Variants in ADAMTS20 observed in about 807,000 individuals in gnomAD.
ADAMTS20 encodes ADAM metallopeptidase with thrombospondin type 1 motif 20.
A neutral mutation model predicts 260.1 loss-of-function variants in ADAMTS20; 225 were observed. The ratio of observed to expected loss-of-function variants is 0.87; its 90% CI spans 0.78 to 0.97. The LOEUF (loss-of-function observed/expected upper bound fraction) is 0.97. ADAMTS20 is among the 50% of genes least tolerant of loss of function. The pLI is 0.00. For missense variants in ADAMTS20, 2,400 were observed against 2,337.7 expected, an observed-to-expected ratio of 1.03 and a Z score of -0.55; for synonymous variants, 802 against 769.5, an observed-to-expected ratio of 1.04 and a Z score of -0.70.
chr12:43,432,979 G>A (rs965028449), intron 19 of ADAMTS20, among the ~76,000 whole-genome samples, 168 bp from the exon 20 acceptor site: 1 of 152,150 alleles, frequency 6.6e-6, no homozygotes, highest in African/African-American at 2.4e-5. Context: ...CTGACCTCAT[G>A]CCAGCACTTG....
chr12:43,396,114 A>G (rs1940697403), intron 29 of ADAMTS20, among the ~76,000 whole-genome samples: 1 of 152,112 alleles, frequency 6.6e-6, no homozygotes, highest in Non-Finnish European at 1.5e-5. Context: ...ATCTAAGGAT[A>G]TACATTTGAA....
At chr12:43,450,812 A>C (rs1394316975) in intron 14 of ADAMTS20, among the ~76,000 whole-genome samples, 2 of 152,148 alleles carry the variant, frequency 1.3e-5, no homozygotes, top group Non-Finnish European at 2.9e-5. Context: ...TCAATACATT[A>C]AGGAATGGTT....
intron 28 of ADAMTS20, among the ~76,000 whole-genome samples, chr12:43,405,068 G>A (rs1167869904): frequency 6.6e-6 from 1 of 151,372 alleles, no homozygotes; most frequent in Non-Finnish European, 1.5e-5. Flanking sequence ...CCTTAAACAT[G>A]CCTCCACATT....
chr12:43,523,792 C>T (rs890766133), intron 3 of ADAMTS20, among the ~76,000 whole-genome samples: 15 of 152,142 alleles, frequency 9.9e-5, no homozygotes, highest in East Asian at 3.9e-4. Flanking sequence ...TGTTCCTTGC[C>T]GCACACTCAG....
At chr12:43,400,208 G>T (rs1266322086) in intron 28 of ADAMTS20, among the ~76,000 whole-genome samples, 1 of 151,898 alleles carries the variant, frequency 6.6e-6, no homozygotes, top group African/African-American at 2.4e-5. Context: ...ATGTACCAGG[G>T]GAAAGCTAAG....
intron 28 of ADAMTS20, among the ~76,000 whole-genome samples, chr12:43,416,755 C>T (rs1228082103): frequency 2.0e-5 from 3 of 151,926 alleles, no homozygotes; most frequent in Non-Finnish European, 2.9e-5. Flanking sequence ...ATCTCCTGAC[C>T]TCGTGATCCG....
intron 2 of ADAMTS20, among the ~76,000 whole-genome samples, chr12:43,538,175 A>G (rs1169442251): frequency 6.6e-6 from 1 of 152,178 alleles, no homozygotes; most frequent in Non-Finnish European, 1.5e-5. Context: ...TCTGACCAGC[A>G]TTTGTTATTG....
chr12:43,509,645 A>G (rs1266679567), intron 3 of ADAMTS20, among the ~76,000 whole-genome samples: 2 of 152,170 alleles, frequency 1.3e-5, no homozygotes, highest in Non-Finnish European at 2.9e-5. Context: ...GGAGATGACA[A>G]ACATGGAATT....
Position 43,464,726 on chromosome 12 carries a change from A to G in ADAMTS20, c.1374T>C (p.Gly458=), listed in dbSNP as rs572774915. Residue 458 remains glycine (G), a synonymous_variant, in exon 10 of 39, where the codon GGT becomes GGC. Coordinates refer to ENST00000389420, the MANE Select transcript of ADAMTS20 (RefSeq NM_025003.5). ...GTTTGTCAAGAAGACATTCCCCGTA[A>G]CCAGTACTGTAACAGTGACAGAAAA... is the stretch of plus-strand genomic sequence containing the variant. ...RKYVTEFLDT[G]YGECLLDKPD... The G allele has an allele frequency of 2.5e-6, 4 of 1,612,394 alleles. No individual in the cohort carries two copies. The highest frequency in any genetic ancestry group is 2.5e-6 in the Non-Finnish European group (3 of 1,179,066).
chr12:43,374,878 T>G (rs1332355695), intron 36 of ADAMTS20, among the ~76,000 whole-genome samples: 1 of 152,068 alleles, frequency 6.6e-6, no homozygotes, highest in African/African-American at 2.4e-5. Context: ...ACATTTTTAT[T>G]AAGAGTCCCC....
intron 18 of ADAMTS20, among the ~76,000 whole-genome samples, chr12:43,434,772 T>C (rs1941517311): frequency 6.6e-6 from 1 of 152,182 alleles, no homozygotes; most frequent in African/African-American, 2.4e-5. Context: ...TGCACATCTC[T>C]ATTGCTGCAA....
chr12:43,484,642 T>A (rs1052626746), intron 7 of ADAMTS20, among the ~76,000 whole-genome samples: 56 of 152,028 alleles, frequency 3.7e-4, no homozygotes, highest in African/African-American at 1.1e-3. Flanking sequence ...ACAATTTTTT[T>A]AAAAAAGAAT....
rs759627288 is a variant in ADAMTS20 at position 43,421,280 on chromosome 12, T to TAAAAAA, written c.4284+4233_4284+4234insTTTTTT. Among the ~76,000 whole-genome samples, 212 of 26,916 alleles carry TAAAAAA rather than the reference T, an allele frequency of 7.9e-3. 4 individuals are homozygous for TAAAAAA. Among genetic ancestry groups the TAAAAAA allele is most frequent in the African/African-American group, 0.027 (202 of 7,504 alleles). The allele number at this position is 26,916 out of a possible 152,430, so 17.7% of individuals were successfully genotyped here. On this transcript the variant is annotated intron_variant, in intron 28 of 38. Coordinates refer to ENST00000389420, the MANE Select transcript of ADAMTS20 (RefSeq NM_025003.5). ...AGGGTTCAAGTAGCAAGCTTTCATT[T>TAAAAAA]ACAAAAAAAAAAAAAAAACTTTCTC...
intron 7 of ADAMTS20, among the ~76,000 whole-genome samples, chr12:43,475,054 C>G (rs948402190): frequency 7.2e-6 from 1 of 139,710 alleles, no homozygotes; most frequent in African/African-American, 2.6e-5. Flanking sequence ...CAAATTGTCC[C>G]TGTGTGCAGA....
intron 2 of ADAMTS20, among the ~76,000 whole-genome samples, chr12:43,538,731 C>A (rs919063060): frequency 2.0e-5 from 3 of 152,140 alleles, no homozygotes; most frequent in Non-Finnish European, 4.4e-5. Flanking sequence ...CCATAAAGTT[C>A]TCTTTCCACT....
chr12:43,374,867 T>C (rs1212824600), intron 36 of ADAMTS20, among the ~76,000 whole-genome samples: 1 of 152,154 alleles, frequency 6.6e-6, no homozygotes, highest in East Asian at 1.9e-4. Context: ...TTACTGTCAT[T>C]ACATTTTTAT....
intron 7 of ADAMTS20, among the ~76,000 whole-genome samples, chr12:43,484,855 C>T (rs1942497616): frequency 6.6e-6 from 1 of 151,962 alleles, no homozygotes; most frequent in South Asian, 2.1e-4. Flanking sequence ...CAAAGAACTC[C>T]TGAGAAAATC....
intron 4 of ADAMTS20, among the ~76,000 whole-genome samples, chr12:43,499,354 T>G (rs1942723254): frequency 6.6e-6 from 1 of 152,220 alleles, no homozygotes; most frequent in African/African-American, 2.4e-5. Flanking sequence ...CAATCTCAGA[T>G]GCAGATTTGC....
chr12:43,461,861 C>T (rs1447675524), intron 11 of ADAMTS20, among the ~76,000 whole-genome samples: 2 of 152,022 alleles, frequency 1.3e-5, no homozygotes, highest in Non-Finnish European at 2.9e-5. Flanking sequence ...AAATTCAAAG[C>T]CAGCTGAACT....
Sources: allele counts gnomAD v4.1 joint callset (sites outside exome capture counted in the v4.1 genomes callset), GRCh38; gene constraint gnomAD v4.1.1; transcripts MANE v1.5; gene names NCBI Gene and HGNC (gene_info 2026-07-23, HGNC 2026-07-21).